The following NOC3L variants were observed in gnomAD, a reference collection of about 807,000 sequenced individuals.
The protein encoded by NOC3L is nucleolar complex protein 3 homolog.
NOC3L carries 85 observed loss-of-function variants against 102.5 expected under a neutral mutation model. The ratio of observed to expected loss-of-function variants is 0.83; its 90% confidence interval spans 0.70 to 0.99. NOC3L has a LOEUF of 0.99. Among genes scored for constraint, NOC3L ranks in the 50% least tolerant of loss-of-function variants. The probability of loss-of-function intolerance (pLI) is 0.00; values close to 1 mark genes in which losing one functional copy is unlikely to be tolerated. For synonymous variants in NOC3L, 303 were observed against 309.4 expected (o/e 0.98, Z 0.22); for missense variants, 878 against 914.9 (o/e 0.96, Z 0.52).
At chr10:94,316,064 A>G in the NOC3L span, among the ~76,000 whole-genome samples, 2 of 152,214 alleles carry the variant, frequency 1.3e-5, no homozygotes, top group Non-Finnish European at 2.9e-5. Context: ...AAGCCCTTTA[A>G]GCACACTGTC....
chr10:94,354,891 A>G, intron 6 of NOC3L, 72 bp downstream of exon 6: 1 of 1,473,234 alleles, frequency 6.8e-7, no homozygotes. Context: ...TATAGGTAAC[A>G]AGGGAATCTT....
Position 94,357,236 on chromosome 10 carries a change from A to G in NOC3L, c.446T>C (p.Leu149Pro). ...RTLQTAPEKE[L>P]IHLLPIKDKS... is the part of the protein sequence containing the mutation. ...ATCTTTGATAGGAAGTAAATGAATC[A>G]GTTCCTTCTCTGGTGCAGTTTGCAG... The change falls in exon 4 of 21, where the codon CTG (leucine) becomes CCG (proline). Residue 149 changes from leucine (L) to proline (P), a missense_variant. By Grantham distance (98) the Leu-to-Pro change is moderately conservative (BLOSUM62 -3). Coordinates refer to ENST00000371361, the MANE Select transcript of NOC3L (RefSeq NM_022451.11). The G allele has an allele frequency of 1.2e-6, 2 of 1,608,492 alleles. No individual in the cohort carries two copies. Among genetic ancestry groups the G allele is most frequent in the Non-Finnish European group, 1.7e-6 (2 of 1,177,146 alleles).
chr10:94,360,251 G>A (rs1313982751), intron 2 of NOC3L, among the ~76,000 whole-genome samples: 1 of 152,090 alleles, frequency 6.6e-6, no homozygotes, highest in South Asian at 2.1e-4. Context: ...GGGAGTCGGG[G>A]GTTGCAGTGA....
Position 94,352,911 on chromosome 10 carries a change from T to C in NOC3L, c.843A>G (p.Ala281=), listed in dbSNP as rs1018668713. Residue 281 remains alanine (A), a synonymous_variant, in exon 7 of 21, where the codon GCA becomes GCG. Transcript: ENST00000371361. ...PSYKIRPLTE[A]EKSTKTRKET... ...CTAGCATTACCTTAGTAGATTTTTC[T>C]GCTTCTGTGAGGGGCCGGATTTTAT... 5 of 1,612,698 alleles carry C rather than the reference T, an allele frequency of 3.1e-6. No homozygotes were observed. Among genetic ancestry groups the C allele is most frequent in the Non-Finnish European group, 4.2e-6 (5 of 1,179,150 alleles).
Position 94,354,986 on chromosome 10 carries a change from T to C in NOC3L, c.673A>G (p.Ile225Val). 1.9e-6 allele frequency: 3 copies of C among 1,613,276 alleles called. No homozygotes were observed. Among genetic ancestry groups the C allele is most frequent in the Non-Finnish European group, 2.5e-6 (3 of 1,179,706 alleles). Residue 225 changes from isoleucine (I) to valine (V), a missense_variant, in exon 6 of 21, where the codon ATA becomes GTA. Physicochemically the swap from Ile to Val is conservative, Grantham distance 29. Transcript: ENST00000371361. ...ACATTATTTTCTGGATCTGATAATATGGCAGATGCCAAGGCTGCAATATGC... is the reference window on the plus strand; with the variant it reads ...ACATTATTTTCTGGATCTGATAATACGGCAGATGCCAAGGCTGCAATATGC... ...KMHIAALASA[I>V]LSDPENNIKK...
At chr10:94,318,112 T>G in the NOC3L span, among the ~76,000 whole-genome samples, 158 of 152,222 alleles carry the variant, frequency 1.0e-3, 2 homozygotes, top group Non-Finnish European at 3.2e-4. Context: ...AGCCACTGCC[T>G]TCTTTCCCTG....
chr10:94,336,547 C>T (rs988168632), intron 19 of NOC3L, among the ~76,000 whole-genome samples: 1 of 151,422 alleles, frequency 6.6e-6, no homozygotes, highest in Non-Finnish European at 1.5e-5. Context: ...GGGGTTTCAC[C>T]ATGTTGGCCA....
intron 13 of NOC3L, among the ~76,000 whole-genome samples, chr10:94,342,272 C>T (rs928194216): frequency 6.6e-6 from 1 of 152,096 alleles, no homozygotes; most frequent in Non-Finnish European, 1.5e-5. Flanking sequence ...TAACTGAGAC[C>T]ACCCAATAGG....
intron 4 of NOC3L, 67 bp downstream of exon 4, chr10:94,357,107 G>T: frequency 8.6e-7 from 1 of 1,158,018 alleles, no homozygotes; most frequent in Non-Finnish European, 1.2e-6. Flanking sequence ...AATTTTGAGT[G>T]AAAAAAAAAC....
intron 7 of NOC3L, 43 bp downstream of exon 7, chr10:94,352,853 T>C (rs769798286): frequency 6.5e-7 from 1 of 1,546,628 alleles, no homozygotes; most frequent in Non-Finnish European, 8.8e-7. Flanking sequence ...CCAAAATGTT[T>C]AGTTATTTTA....
chr10:94,331,214 C>G (rs548135485), downstream of NOC3L: 1 of 152,298 alleles, frequency 6.6e-6, no homozygotes, highest in East Asian at 1.9e-4. Flanking sequence ...AACTTGCTTT[C>G]TTTTATGGGA....
the NOC3L span, among the ~76,000 whole-genome samples, chr10:94,315,661 C>T: frequency 1.3e-5 from 2 of 150,710 alleles, no homozygotes; most frequent in African/African-American, 4.9e-5. Context: ...CCCAGCTACT[C>T]GGGAGGCTGA....
chr10:94,319,963 G>A, the NOC3L span, among the ~76,000 whole-genome samples: 2 of 143,120 alleles, frequency 1.4e-5, no homozygotes, highest in African/African-American at 5.1e-5. Flanking sequence ...TCCGCCTCCC[G>A]GGTTCACACC....
intron 6 of NOC3L, among the ~76,000 whole-genome samples, chr10:94,354,235 C>G (rs2054455818): frequency 6.6e-6 from 1 of 152,184 alleles, no homozygotes; most frequent in Non-Finnish European, 1.5e-5. Context: ...TCTATCATTT[C>G]ATAAACAAAT....
At position 94,357,344 on chromosome 10, in the gene NOC3L, A is replaced by G; in HGVS notation, c.351-13T>C. ...ATGAACAGGCTCACTGCAGGGGAAAAAAAGATCAATTTTCAGTCTTAATAG... is the reference window on the plus strand; with the variant it reads ...ATGAACAGGCTCACTGCAGGGGAAAGAAAGATCAATTTTCAGTCTTAATAG... On this transcript the variant is annotated splice_polypyrimidine_tract_variant and intron_variant, in intron 3 of 20. Transcript: ENST00000371361. 1.3e-6 allele frequency: 2 copies of G among 1,552,608 alleles called. No individual in the cohort carries two copies. The highest frequency in any genetic ancestry group is 1.7e-6 in the Non-Finnish European group (2 of 1,152,814).
rs770017207 is a variant in NOC3L at position 94,338,656 on chromosome 10, C to G, written c.2043G>C (p.Glu681Asp). The G allele has an allele frequency of 6.2e-7, 1 of 1,613,068 alleles. No homozygotes were observed. The highest frequency in any genetic ancestry group is 8.5e-7 in the Non-Finnish European group (1 of 1,179,294). Residue 681 changes from glutamate (E) to aspartate (D), a missense_variant, in exon 18 of 21, where the codon GAG becomes GAC. Coordinates refer to ENST00000371361, the MANE Select transcript of NOC3L (RefSeq NM_022451.11). Reference protein sequence around the residue: ...GVFLPELDEPEYCNAQNTALW... With the variant: ...GVFLPELDEPDYCNAQNTALW... Reference sequence around the variant, plus strand: ...GAGCAGTGTTCTGAGCATTGCAGTACTCAGGCTCATCCAGTTCAGGAAGGA... The same window carrying G: ...GAGCAGTGTTCTGAGCATTGCAGTAGTCAGGCTCATCCAGTTCAGGAAGGA...
chr10:94,336,894 C>A (rs2054225599), intron 19 of NOC3L, among the ~76,000 whole-genome samples: 1 of 151,320 alleles, frequency 6.6e-6, no homozygotes, highest in African/African-American at 2.4e-5. Context: ...CATGGTGAAA[C>A]CCCATCTCTA....
chr10:94,357,378 A>C (rs201867914), intron 3 of NOC3L, 47 bp from the exon 4 acceptor site: 1 of 1,447,218 alleles, frequency 6.9e-7, no homozygotes, highest in African/African-American at 1.4e-5. Context: ...AGATCTAAAA[A>C]GTTATCTAGA....
Position 94,362,926 on chromosome 10 carries a change from G to T in NOC3L, c.-88C>A. On this transcript the variant is annotated 5_prime_UTR_variant, in exon 1 of 21. Coordinates refer to ENST00000371361, the MANE Select transcript of NOC3L (RefSeq NM_022451.11). Reference sequence around the variant, plus strand: ...CCCGGGGAATGACACACGTGCCGAAGTCCCTACACTACCAGAGCCGGAAAC... The same window carrying T: ...CCCGGGGAATGACACACGTGCCGAATTCCCTACACTACCAGAGCCGGAAAC... 1 of 1,601,980 alleles carries T rather than the reference G, an allele frequency of 6.2e-7. No homozygotes were observed. The highest frequency in any genetic ancestry group is 8.6e-7 in the Non-Finnish European group (1 of 1,169,564).
Sources: gnomAD v4.1 joint callset for allele counts (sites outside exome capture counted in the v4.1 genomes callset) on GRCh38, gnomAD v4.1.1 for gene constraint, MANE v1.5 for transcripts, NCBI Gene and HGNC (gene_info 2026-07-23, HGNC 2026-07-21) for gene names.